The following HNRNPA1 variants were observed in gnomAD, a reference collection of about 807,000 sequenced individuals.
HNRNPA1 encodes epididymis secretory sperm binding protein.
Under a neutral mutation model 44.4 loss-of-function variants are expected in HNRNPA1, and 7 were observed. That is an observed-to-expected ratio of 0.16 (90% CI 0.09 to 0.30). HNRNPA1 has a LOEUF of 0.30. HNRNPA1 is among the 10% of genes least tolerant of loss of function. The pLI, the probability that HNRNPA1 is intolerant of heterozygous loss-of-function variation, is 1.00. For synonymous variants in HNRNPA1, 169 were observed against 160.6 expected, an observed-to-expected ratio of 1.05 and a Z score of -0.40; for missense variants, 193 against 465.8, an observed-to-expected ratio of 0.41 and a Z score of 5.39.
At chr12:54,284,118 C>A (rs540844418) in intron 9 of HNRNPA1, 140 bp from the exon 10 acceptor site, 1 of 1,265,392 alleles carries the variant, frequency 7.9e-7, no homozygotes, top group East Asian at 2.4e-5. Flanking sequence ...TTAGAAAAAT[C>A]ATGGGACCTC....
Position 54,282,634 on chromosome 12 carries a change from C to T in HNRNPA1, c.645C>T (p.Asn215=), listed in dbSNP as rs1944192920. The T allele has an allele frequency of 6.2e-7, 1 of 1,613,744 alleles. No homozygotes were observed. The highest frequency in any genetic ancestry group is 1.3e-5 in the African/African-American group (1 of 74,890). ...GAGGTGGTTTCGGTGGGAATGACAACTTCGGTCGTGGAGGAAACTTCAGTG... is the reference window on the plus strand; with the variant it reads ...GAGGTGGTTTCGGTGGGAATGACAATTTCGGTCGTGGAGGAAACTTCAGTG... ...GRGGGFGGND[N]FGRGGNFSGR... The change falls in exon 6 of 11, where the codon AAC becomes AAT. Residue 215 remains asparagine, a synonymous_variant. Coordinates refer to ENST00000340913, the MANE Select transcript of HNRNPA1 (RefSeq NM_031157.4).
In HNRNPA1 at chr12:54,282,029, CA is replaced by C. The variant is rs1157747514; in HGVS notation, c.280-57del. 2.5e-4 allele frequency: 394 copies of C among 1,597,186 alleles called. 6 individuals carry two copies. In the South Asian group the frequency reaches 2.8e-3, roughly 11 times the overall value. Reference sequence around the variant, plus strand: ...AGATTCGGGAGTTTTCTAAACTTACCAAAATTTTTTATTCGAGTATAGGCTT... The same window carrying C: ...AGATTCGGGAGTTTTCTAAACTTACCAAATTTTTTATTCGAGTATAGGCTT... On this transcript the variant is annotated intron_variant, in intron 3 of 10. Transcript: ENST00000340913.
chr12:54,281,041 G>A (rs1440396946), intron 1 of HNRNPA1: 9 of 709,804 alleles, frequency 1.3e-5, no homozygotes, highest in East Asian at 2.7e-5. Flanking sequence ...CTCGTTACTC[G>A]TAGCAAAATT....
chr12:54,280,959 G>A, intron 1 of HNRNPA1, 137 bp downstream of exon 1: 1 of 936,726 alleles, frequency 1.1e-6, no homozygotes, highest in Non-Finnish European at 1.7e-6. Flanking sequence ...CCCTCCCAAA[G>A]TTCAAGTCGC....
At position 54,282,605 on chromosome 12, in the gene HNRNPA1, C is replaced by T. The variant is rs1182488807; in HGVS notation, c.616C>T (p.Arg206Cys). 1.2e-6 allele frequency: 2 copies of T among 1,613,474 alleles called. No individual in the cohort carries two copies. The highest frequency in any genetic ancestry group is 1.1e-5 in the South Asian group (1 of 91,020). Residue 206 changes from arginine to cysteine, a missense_variant, in exon 6 of 11, where the codon CGT becomes TGT. Arg to Cys is a radical substitution (Grantham distance 180). This residue lies in a region of HNRNPA1 where 136 missense variants were observed against 234.4 expected (regional missense o/e 0.58). Coordinates refer to ENST00000340913, the MANE Select transcript of HNRNPA1 (RefSeq NM_031157.4). ...RSGSGNFGGG[R>C]GGGFGGNDNF... ...TGGTTCTGGAAACTTTGGTGGTGGT[C>T]GTGGAGGTGGTTTCGGTGGGAATGA...
Position 54,282,655 on chromosome 12 carries a change from C to A in HNRNPA1, c.666C>A (p.Phe222Leu). ...GNDNFGRGGN[F>L]SGRGGFGGSR... is the part of the protein sequence containing the mutation. ...ACAACTTCGGTCGTGGAGGAAACTT[C>A]AGTGGTCGTGGTATGTATGGTTTAT... The change falls in exon 6 of 11, where the codon TTC (phenylalanine) becomes TTA (leucine). Residue 222 changes from phenylalanine (F) to leucine (L), a missense_variant. Phe to Leu is a conservative substitution (Grantham distance 22). Coordinates refer to ENST00000340913, the MANE Select transcript of HNRNPA1 (RefSeq NM_031157.4). The A allele has an allele frequency of 1.2e-6, 2 of 1,613,300 alleles. No individual in the cohort carries two copies. The highest frequency in any genetic ancestry group is 1.7e-6 in the Non-Finnish European group (2 of 1,179,350).
chr12:54,280,776 G>C lies in HNRNPA1; in HGVS notation c.-32G>C, dbSNP rs545965220. On this transcript the variant is annotated 5_prime_UTR_variant, in exon 1 of 11. Coordinates refer to ENST00000340913, the MANE Select transcript of HNRNPA1 (RefSeq NM_031157.4). ...TCTGCCCGTGGACGCCGCCGAAGAAGCATCGTTAAAGTCTCTCTTCACCCT... is the reference window on the plus strand; with the variant it reads ...TCTGCCCGTGGACGCCGCCGAAGAACCATCGTTAAAGTCTCTCTTCACCCT... 1.9e-6 allele frequency: 3 copies of C among 1,614,018 alleles called. No individual in the cohort carries two copies. The highest frequency in any genetic ancestry group is 2.5e-6 in the Non-Finnish European group (3 of 1,179,884).
rs1944183362 is a variant in HNRNPA1, at chr12:54,282,090, G to A, written c.280G>A (p.Asp94Asn). The A allele has an allele frequency of 6.2e-7, 1 of 1,611,256 alleles. No homozygotes were observed. Reference protein sequence around the residue: ...VEPKRAVSREDSQRPGAHLTV... With the variant: ...VEPKRAVSRENSQRPGAHLTV... The stretch of plus-strand genomic sequence containing the variant: ...AAACCTATGGTTTTTCTCCTATTAG[G>A]ATTCTCAAAGACCAGGTGCCCACTT... The change falls in exon 4 of 11, where the codon GAT becomes AAT. Residue 94 changes from aspartate to asparagine, a missense_variant and splice_region_variant. By Grantham distance (23) the Asp-to-Asn change is conservative. Coordinates refer to ENST00000340913, the MANE Select transcript of HNRNPA1 (RefSeq NM_031157.4).
chr12:54,281,797 A>G lies in HNRNPA1; in HGVS notation c.135A>G (p.Val45=). ...ACATAAATTAACACTGTTCTCAGGT[A>G]ATGAGAGATCCAAACACCAAGCGCT... ...EQWGTLTDCV[V]MRDPNTKRSR... Residue 45 remains valine, a splice_region_variant and synonymous_variant, in exon 3 of 11, where the codon GTA becomes GTG. Transcript: ENST00000340913. The G allele has an allele frequency of 6.2e-7, 1 of 1,610,958 alleles. No homozygotes were observed. Among genetic ancestry groups the G allele is most frequent in the Non-Finnish European group, 8.5e-7 (1 of 1,179,308 alleles).
chr12:54,282,046 G>GTA, intron 3 of HNRNPA1, 44 bp from the exon 4 acceptor site: 1 of 1,602,670 alleles, frequency 6.2e-7, no homozygotes. Flanking sequence ...TTTTATTCGA[G>GTA]TATAGGCTTT....
intron 8 of HNRNPA1, among the ~76,000 whole-genome samples, chr12:54,283,464 A>G (rs1944212247): frequency 6.6e-6 from 1 of 152,206 alleles, no homozygotes; most frequent in South Asian, 2.1e-4. Flanking sequence ...AGAAGGATTT[A>G]GTATTTTAAC....
rs766253242 is a variant in HNRNPA1, at chr12:54,280,778, A to C, written c.-30A>C. ...TGCCCGTGGACGCCGCCGAAGAAGCATCGTTAAAGTCTCTCTTCACCCTGC... is the reference window on the plus strand; with the variant it reads ...TGCCCGTGGACGCCGCCGAAGAAGCCTCGTTAAAGTCTCTCTTCACCCTGC... On this transcript the variant is annotated 5_prime_UTR_variant, in exon 1 of 11. Transcript: ENST00000340913. The C allele has an allele frequency of 6.2e-7, 1 of 1,613,992 alleles. No individual in the cohort carries two copies. Among genetic ancestry groups the C allele is most frequent in the Non-Finnish European group, 8.5e-7 (1 of 1,179,978 alleles).
chr12:54,283,228 G>T lies in HNRNPA1; in HGVS notation c.901G>T (p.Gly301Cys). Residue 301 changes from glycine to cysteine, a missense_variant, in exon 8 of 11, where the codon GGT becomes TGT. Coordinates refer to ENST00000340913, the MANE Select transcript of HNRNPA1 (RefSeq NM_031157.4). ...CGGAGGCGGAGGCGGCTTTGGCGGTGGTAGTGGTAGGTATCCAGTGATCCA... is the reference window on the plus strand; with the variant it reads ...CGGAGGCGGAGGCGGCTTTGGCGGTTGTAGTGGTAGGTATCCAGTGATCCA... ...NNGGGGGFGG[G>C]SGSNFGGGGS... 1 of 1,610,810 alleles carries T rather than the reference G, an allele frequency of 6.2e-7. No homozygotes were observed.
At chr12:54,282,060 A>G in intron 3 of HNRNPA1, 30 bp from the exon 4 acceptor site, 2 of 1,603,872 alleles carry the variant, frequency 1.2e-6, no homozygotes, top group Non-Finnish European at 1.7e-6. Context: ...AGGCTTTGCT[A>G]ATCTAAACCT....
In HNRNPA1 at chr12:54,283,085, A is replaced by G; in HGVS notation, c.758A>G (p.Tyr253Cys). 6.2e-7 allele frequency: 1 copy of G among 1,612,932 alleles called. No homozygotes were observed. The highest frequency in any genetic ancestry group is 1.1e-5 in the South Asian group (1 of 91,000). ...GYNGFGNDGGYGGGGPGYSGG... is the reference protein window; with the variant it reads ...GYNGFGNDGGCGGGGPGYSGG... Reference sequence around the variant, plus strand: ...AAGAATTGTATTCTTGTAGGTGGTTATGGAGGAGGCGGCCCTGGTTACTCT... The same window carrying G: ...AAGAATTGTATTCTTGTAGGTGGTTGTGGAGGAGGCGGCCCTGGTTACTCT... Residue 253 changes from tyrosine (Y) to cysteine (C), a missense_variant, in exon 8 of 11, where the codon TAT becomes TGT. Coordinates refer to ENST00000340913, the MANE Select transcript of HNRNPA1 (RefSeq NM_031157.4).
Position 54,283,840 on chromosome 12 carries a change from C to T in HNRNPA1, c.936C>T (p.Tyr312=). The change falls in exon 9 of 11, where the codon TAC becomes TAT. Residue 312 remains tyrosine, a synonymous_variant. Coordinates refer to ENST00000340913, the MANE Select transcript of HNRNPA1 (RefSeq NM_031157.4). ...GCAATTTTGGAGGTGGTGGAAGCTA[C>T]AATGATTTTGGGAATTACAACAATC... The part of the protein sequence containing the change: ...SGSNFGGGGS[Y]NDFGNYNNQS... The T allele has an allele frequency of 1.9e-6, 3 of 1,613,954 alleles. No individual in the cohort carries two copies. Among genetic ancestry groups the T allele is most frequent in the Non-Finnish European group, 2.5e-6 (3 of 1,179,952 alleles).
intron 10 of HNRNPA1, 24 bp downstream of exon 10, chr12:54,284,341 T>C: frequency 6.2e-7 from 1 of 1,603,894 alleles, no homozygotes; most frequent in Non-Finnish European, 8.5e-7. Flanking sequence ...TTTTTGTGTG[T>C]TGACATAATT....
rs983998653 is a variant in HNRNPA1, at chr12:54,285,440, A to G, written c.*896A>G. On this transcript the variant is annotated 3_prime_UTR_variant, in exon 11 of 11. Coordinates refer to ENST00000340913, the MANE Select transcript of HNRNPA1 (RefSeq NM_031157.4). ...GTGTCTGGGAGGCCTTTTAAAAATA[A>G]CTAATATCAGAAAGCATTTTAATGA... 2.0e-5 allele frequency: 3 copies of G among 152,224 alleles called. No homozygotes were observed. Among genetic ancestry groups the G allele is most frequent in the African/African-American group, 7.2e-5 (3 of 41,442 alleles). 9.4% of individuals were successfully genotyped at this position (152,224 alleles called of 1,614,324 possible).
chr12:54,281,731 A>G (rs1944175174), intron 2 of HNRNPA1, 64 bp from the exon 3 acceptor site: 2 of 1,529,560 alleles, frequency 1.3e-6, no homozygotes, highest in Non-Finnish European at 1.8e-6. Context: ...GCCCTATTCA[A>G]AGTTAAAATG....
Sources: allele counts gnomAD v4.1 joint callset (sites outside exome capture counted in the v4.1 genomes callset), GRCh38; gene constraint gnomAD v4.1.1; regional missense constraint gnomAD v4.1.1; transcripts MANE v1.5; gene names NCBI Gene and HGNC (gene_info 2026-07-23, HGNC 2026-07-21).